Variants in DIO1 observed in about 807,000 individuals in gnomAD.
DIO1 encodes type I iodothyronine deiodinase.
A neutral mutation model predicts 25.9 loss-of-function variants in DIO1; 17 were observed. That is an observed-to-expected ratio of 0.66 (90% CI 0.45 to 0.98). The LOEUF (loss-of-function observed/expected upper bound fraction) is 0.98, where lower values mean the gene tolerates loss of function less well. Among genes scored for constraint, DIO1 ranks in the 50% least tolerant of loss-of-function variants. The pLI, the probability that DIO1 is intolerant of heterozygous loss-of-function variation, is 0.00. For missense variants in DIO1, 270 were observed against 310.4 expected, an observed-to-expected ratio of 0.87 and a Z score of 0.98; for synonymous variants, 115 against 114.0, an observed-to-expected ratio of 1.01 and a Z score of -0.05.
intron 1 of DIO1, among the ~76,000 whole-genome samples, chr1:53,897,680 T>C (rs1046755100): frequency 4.3e-4 from 65 of 151,946 alleles, no homozygotes; most frequent in Admixed American, 4.3e-3. Context: ...AGTGGAACCC[T>C]GTCTCTACAA....
At chr1:53,897,425 G>A (rs188147275) in intron 1 of DIO1, among the ~76,000 whole-genome samples, 7 of 152,116 alleles carry the variant, frequency 4.6e-5, no homozygotes, top group African/African-American at 1.2e-4. Context: ...GCAGTGAGCC[G>A]AGATCGCACC....
chr1:53,901,898 CA>C (rs11291749), intron 1 of DIO1, among the ~76,000 whole-genome samples: 36,107 of 130,170 alleles, frequency 0.28, 4,590 homozygotes, highest in East Asian at 0.38. Context: ...TCTCATCTCT[CA>C]AAAAAAAAAA....
In DIO1 at chr1:53,910,270, G is replaced by A. The variant is rs1651879872; in HGVS notation, c.*271G>A. The A allele has an allele frequency of 2.2e-6, 1 of 451,034 alleles. No individual in the cohort carries two copies. The highest frequency in any genetic ancestry group is 2.4e-5 in the South Asian group (1 of 41,054). The allele number at this position is 451,034 out of a possible 1,614,324, so 27.9% of individuals were successfully genotyped here. On this transcript the variant is annotated 3_prime_UTR_variant, in exon 4 of 4. Coordinates refer to ENST00000361921, the MANE Select transcript of DIO1 (RefSeq NM_000792.7). The stretch of plus-strand genomic sequence containing the variant: ...AAACAGTTCCCTGTTGAAGAAAGTA[G>A]AGCCTGACACTGCTCCCACTTTGGA...
Position 53,910,032 on chromosome 1 carries a change from C to T in DIO1, c.*33C>T, listed in dbSNP as rs200022497. 28 of 1,591,858 alleles carry T rather than the reference C, an allele frequency of 1.8e-5. No individual in the cohort carries two copies. Among genetic ancestry groups the T allele is most frequent in the East Asian group, 2.2e-5 (1 of 44,754 alleles). The stretch of plus-strand genomic sequence containing the variant: ...AGATACCTCAATTCTAGGTGACCAA[C>T]GGGAGGGCTTCTCAAGGCTTAGCTC... On this transcript the variant is annotated 3_prime_UTR_variant, in exon 4 of 4. Coordinates refer to ENST00000361921, the MANE Select transcript of DIO1 (RefSeq NM_000792.7).
At position 53,894,753 on chromosome 1, in the gene DIO1, C is replaced by A. The variant is rs1650986047; in HGVS notation, c.337+206C>A. The stretch of plus-strand genomic sequence containing the variant: ...ACCACCTTCCCAGGCACTCAAATCA[C>A]AAACCATCCAGTCTGGCATTTCAGC... On this transcript the variant is annotated intron_variant, in intron 1 of 3. Coordinates refer to ENST00000361921, the MANE Select transcript of DIO1 (RefSeq NM_000792.7). The surrounding 1 kb of genome is among the most constrained non-coding windows in gnomAD (Gnocchi z 4.9). Among the ~76,000 whole-genome samples, 1 of 152,202 alleles carries A rather than the reference C, an allele frequency of 6.6e-6. No homozygotes were observed. The highest frequency in any genetic ancestry group is 2.1e-4 in the South Asian group (1 of 4,826).
In DIO1 at chr1:53,910,303, T is replaced by G; in HGVS notation, c.*304T>G. 1 of 371,788 alleles carries G rather than the reference T, an allele frequency of 2.7e-6. No homozygotes were observed. The highest frequency in any genetic ancestry group is 5.1e-6 in the Non-Finnish European group (1 of 196,530). The allele number at this position is 371,788 out of a possible 1,614,324, so 23.0% of individuals were successfully genotyped here. A position where few individuals can be genotyped will look rare whatever the true frequency, so the allele number is the denominator to read the frequency against. On this transcript the variant is annotated 3_prime_UTR_variant, in exon 4 of 4. Coordinates refer to ENST00000361921, the MANE Select transcript of DIO1 (RefSeq NM_000792.7). The stretch of plus-strand genomic sequence containing the variant: ...CACTGCTCCCACTTTGGAGACCACA[T>G]TCCCTGCACACGGTCTTTGAGAGAG...
In DIO1 at chr1:53,910,233, T is replaced by C. The variant is rs1187815169; in HGVS notation, c.*234T>C. On this transcript the variant is annotated 3_prime_UTR_variant, in exon 4 of 4. Coordinates refer to ENST00000361921, the MANE Select transcript of DIO1 (RefSeq NM_000792.7). Reference sequence around the variant, plus strand: ...CAACACTTGAGCTGTTCAGGCCAGTTCCCTGTTGAAGAAACAGTTCCCTGT... The same window carrying C: ...CAACACTTGAGCTGTTCAGGCCAGTCCCCTGTTGAAGAAACAGTTCCCTGT... The C allele has an allele frequency of 1.9e-6, 1 of 520,980 alleles. No homozygotes were observed. The highest frequency in any genetic ancestry group is 3.5e-6 in the Non-Finnish European group (1 of 287,908). The allele number at this position is 520,980 out of a possible 1,614,324, so 32.3% of individuals were successfully genotyped here. A position where few individuals can be genotyped will look rare whatever the true frequency, so the allele number is the denominator to read the frequency against.
intron 3 of DIO1, among the ~76,000 whole-genome samples, chr1:53,909,068 T>C (rs2100784406): frequency 6.7e-6 from 1 of 148,752 alleles, no homozygotes; most frequent in African/African-American, 2.5e-5. Flanking sequence ...CACTCCAGCC[T>C]GGGCGACAGA....
intron 3 of DIO1, among the ~76,000 whole-genome samples, chr1:53,908,039 T>C (rs1270749606): frequency 6.7e-6 from 1 of 149,090 alleles, no homozygotes; most frequent in African/African-American, 2.5e-5. Flanking sequence ...CTGACCAACA[T>C]GGTGAAACCC....
intron 3 of DIO1, among the ~76,000 whole-genome samples, chr1:53,908,314 A>C (rs772164982): frequency 8.1e-4 from 123 of 152,332 alleles, no homozygotes; most frequent in Non-Finnish European, 1.4e-3. Context: ...AGACTATTAC[A>C]GTGTCCCAAC....
intron 3 of DIO1, among the ~76,000 whole-genome samples, chr1:53,907,145 G>A (rs1569737101): frequency 6.6e-6 from 1 of 152,304 alleles, no homozygotes; most frequent in East Asian, 1.9e-4. Context: ...AATGGAACCC[G>A]TGGTTTGGAG....
rs1651863055 is a variant in DIO1, at chr1:53,909,941, G to T, written c.692G>T (p.Gly231Val). ...EGRILYKGKS[G>V]PWNYNPEEVR... ...TCGTTTCTCTTGCAGGGTAAATCTG[G>T]CCCTTGGAACTACAACCCAGAGGAA... The change falls in exon 4 of 4, where the codon GGC (glycine) becomes GTC (valine). Residue 231 changes from glycine to valine, a missense_variant. Coordinates refer to ENST00000361921, the MANE Select transcript of DIO1 (RefSeq NM_000792.7). 6.2e-7 allele frequency: 1 copy of T among 1,614,116 alleles called. No individual in the cohort carries two copies. Among genetic ancestry groups the T allele is most frequent in the Non-Finnish European group, 8.5e-7 (1 of 1,180,020 alleles).
chr1:53,895,192 A>G (rs1239063477), intron 1 of DIO1, among the ~76,000 whole-genome samples: 1 of 152,164 alleles, frequency 6.6e-6, no homozygotes, highest in East Asian at 1.9e-4. Flanking sequence ...TGGGAGATTG[A>G]GGCTGGCAGA....
At chr1:53,904,557 G>C in intron 1 of DIO1, 109 bp from the exon 2 acceptor site, 2 of 1,383,388 alleles carry the variant, frequency 1.4e-6, no homozygotes, top group Non-Finnish European at 2.0e-6. Context: ...CCTGGGGTGG[G>C]GGGTAGGGGG....
chr1:53,898,782 T>G (rs1259851483), intron 1 of DIO1, among the ~76,000 whole-genome samples: 2 of 150,284 alleles, frequency 1.3e-5, no homozygotes, highest in Non-Finnish European at 3.0e-5. Context: ...TTGTAACTAC[T>G]TTGGAAACCC....
chr1:53,894,522 G>A lies in DIO1; in HGVS notation c.312G>A (p.Arg104=), dbSNP rs1448206235. Residue 104 remains arginine, a synonymous_variant, in exon 1 of 4, where the codon AGG becomes AGA. Transcript: ENST00000361921. The surrounding 1 kb of genome is among the most constrained non-coding windows in gnomAD (Gnocchi z 4.9). The part of the protein sequence containing the change: ...NCPVVRLSGQ[R]CNIWEFMQGN... ...CGGTGGTCCGCCTCTCAGGACAGAG[G>A]TGCAACATTTGGGAGTTTATGCAAG... is the stretch of plus-strand genomic sequence containing the variant. The A allele has an allele frequency of 1.1e-5, 17 of 1,614,046 alleles. No individual in the cohort carries two copies. The highest frequency in any genetic ancestry group is 1.4e-5 in the Non-Finnish European group (17 of 1,179,964).
intron 3 of DIO1, among the ~76,000 whole-genome samples, chr1:53,909,450 T>G (rs944573050): frequency 6.6e-6 from 1 of 151,058 alleles, no homozygotes; most frequent in Non-Finnish European, 1.5e-5. Context: ...GGTTCCTGGT[T>G]GAAAAATGGA....
At chr1:53,904,923 G>A in intron 2 of DIO1, 114 bp downstream of exon 2, 2 of 1,215,742 alleles carry the variant, frequency 1.6e-6, no homozygotes, top group Non-Finnish European at 2.3e-6. Context: ...AGGGGAGAGG[G>A]AAAGAGCCAC....
chr1:53,910,407 A>G lies in DIO1; in HGVS notation c.*408A>G, dbSNP rs539467565. On this transcript the variant is annotated 3_prime_UTR_variant, in exon 4 of 4. Coordinates refer to ENST00000361921, the MANE Select transcript of DIO1 (RefSeq NM_000792.7). ...CTGATACCAAGTAATTCAAGCTGGC[A>G]TTCCTTCTATTAGGGAAATTCATTT... is the stretch of plus-strand genomic sequence containing the variant. The G allele has an allele frequency of 1.2e-5, 2 of 168,996 alleles. No homozygotes were observed. The highest frequency in any genetic ancestry group is 1.6e-4 in the East Asian group (1 of 6,436). 10.5% of individuals were successfully genotyped at this position (168,996 alleles called of 1,614,324 possible). A position where few individuals can be genotyped will look rare whatever the true frequency, so the allele number is the denominator to read the frequency against.
Sources: allele counts gnomAD v4.1 joint callset (sites outside exome capture counted in the v4.1 genomes callset), GRCh38; gene constraint gnomAD v4.1.1; non-coding constraint Gnocchi (gnomAD v3.1); transcripts MANE v1.5; gene names NCBI Gene and HGNC (gene_info 2026-07-23, HGNC 2026-07-21).